The following SHANK2 variants were observed in gnomAD, a reference collection of about 807,000 sequenced individuals.
The protein encoded by SHANK2 is SH3 and multiple ankyrin repeat domains 2, also known as SH3 and multiple ankyrin repeat domains protein 2.
A neutral mutation model predicts 133.7 loss-of-function variants in SHANK2; 43 were observed. The observed-to-expected ratio is 0.32, with a 90% CI of 0.25 to 0.41. SHANK2 has a LOEUF of 0.41. SHANK2 is among the 10% of genes least tolerant of loss of function. SHANK2 has a pLI of 1.00. For missense variants in SHANK2, 1,994 were observed against 2,235.8 expected (o/e 0.89, Z 2.18); for synonymous variants, 1,017 against 952.8 (o/e 1.07, Z -1.24).
chr11:71,123,384 G>A (rs1264464322), intron 3 of SHANK2, among the ~76,000 whole-genome samples: 1 of 152,182 alleles, frequency 6.6e-6, no homozygotes, highest in African/African-American at 2.4e-5. Flanking sequence ...GAGCTCCCTT[G>A]GGGACCCAGA....
At chr11:70,476,703 A>G (rs141388134) in intron 25 of SHANK2, among the ~76,000 whole-genome samples, 4 of 152,322 alleles carry the variant, frequency 2.6e-5, no homozygotes, top group African/African-American at 9.6e-5. Flanking sequence ...ATGCCCACAG[A>G]GGACTAGAGG....
chr11:71,123,518 G>C (rs529194174), intron 3 of SHANK2, among the ~76,000 whole-genome samples: 2 of 152,166 alleles, frequency 1.3e-5, no homozygotes, highest in Non-Finnish European at 2.9e-5. Flanking sequence ...AGGAGAGGGA[G>C]GGAGGCAAAG....
chr11:70,852,418 T>C (rs1323984734), intron 11 of SHANK2, among the ~76,000 whole-genome samples: 4 of 152,164 alleles, frequency 2.6e-5, no homozygotes, highest in African/African-American at 9.7e-5. Context: ...GTTTGTGGGA[T>C]GCAGAGGCCA....
At chr11:70,730,785 C>T (rs1260539531) in intron 14 of SHANK2, among the ~76,000 whole-genome samples, 3 of 151,382 alleles carry the variant, frequency 2.0e-5, no homozygotes, top group African/African-American at 4.9e-5. Flanking sequence ...CCCAAAGTGG[C>T]GTCTGCTCAC....
intron 1 of SHANK2, chr11:71,226,543 A>T (rs1374271046): frequency 1.3e-5 from 2 of 152,244 alleles, no homozygotes; most frequent in African/African-American, 4.8e-5. Flanking sequence ...TATTGAAAAC[A>T]TGCAGAGAAA....
At chr11:71,063,480 G>A (rs964358896) in intron 9 of SHANK2, among the ~76,000 whole-genome samples, 7 of 152,284 alleles carry the variant, frequency 4.6e-5, no homozygotes, top group African/African-American at 9.6e-5. Context: ...CCATCTACCC[G>A]CTCCTTCTGG....
At chr11:70,794,866 G>C (rs1225566019) in intron 14 of SHANK2, among the ~76,000 whole-genome samples, 2 of 152,138 alleles carry the variant, frequency 1.3e-5, no homozygotes, top group Non-Finnish European at 2.9e-5. Context: ...TGTGAAGGAA[G>C]GGTTTAATAT....
intron 6 of SHANK2, among the ~76,000 whole-genome samples, chr11:71,097,048 C>T (rs1317394995): frequency 6.6e-6 from 1 of 152,202 alleles, no homozygotes; most frequent in East Asian, 1.9e-4. Flanking sequence ...CTGTGTCTCA[C>T]GTGCAGGATG....
chr11:70,937,690 T>A (rs1168391503), intron 10 of SHANK2, among the ~76,000 whole-genome samples: 5 of 152,118 alleles, frequency 3.3e-5, no homozygotes, highest in Admixed American at 2.6e-4. Context: ...TGCATCTTTT[T>A]TTTTTTTCTT....
intron 17 of SHANK2, among the ~76,000 whole-genome samples, chr11:70,598,157 G>T (rs2060426571): frequency 6.6e-6 from 1 of 152,198 alleles, no homozygotes; most frequent in Non-Finnish European, 1.5e-5. Flanking sequence ...TCCCATAGAG[G>T]GGCAGATGGA....
At chr11:71,070,970 C>A (rs956355035) in intron 9 of SHANK2, among the ~76,000 whole-genome samples, 2 of 152,176 alleles carry the variant, frequency 1.3e-5, no homozygotes, top group East Asian at 3.8e-4. Context: ...GGAGTGATAC[C>A]AAGTCAAGCT....
At chr11:70,476,463 G>T (rs1555150139) in intron 25 of SHANK2, among the ~76,000 whole-genome samples, 1 of 152,194 alleles carries the variant, frequency 6.6e-6, no homozygotes, top group Non-Finnish European at 1.5e-5. Context: ...AACTGGGGGT[G>T]CTGTGGCCTG....
At chr11:70,891,065 T>C (rs1462988046) in intron 11 of SHANK2, among the ~76,000 whole-genome samples, 3 of 152,176 alleles carry the variant, frequency 2.0e-5, no homozygotes, top group Admixed American at 1.3e-4. Context: ...TTCAGGTACC[T>C]GACATGTGCA....
rs137945425 is a variant in SHANK2 at position 71,123,086 on chromosome 11, C to G, written c.208-4054G>C. ...CCCTCCATACGTGATGGGAGCCACC[C>G]ACGTGTTCACACCAGCTCCCGGCAA... On this transcript the variant is annotated intron_variant, in intron 3 of 25. Coordinates refer to ENST00000601538, the MANE Select transcript of SHANK2 (RefSeq NM_012309.5). Among the ~76,000 whole-genome samples the G allele has an allele frequency of 1.5e-3, 227 of 152,248 alleles. 6 individuals are homozygous for G. In the East Asian group the frequency reaches 0.037, roughly 25 times the overall value.
chr11:70,520,752 AGT>A (rs2059320331), intron 17 of SHANK2, among the ~76,000 whole-genome samples: 2 of 152,268 alleles, frequency 1.3e-5, no homozygotes, highest in South Asian at 4.1e-4. Flanking sequence ...TTTATCTTTC[AGT>A]TGTTTATTTA....
At chr11:71,147,428 A>C in intron 2 of SHANK2, 90 bp from the exon 3 acceptor site, 1 of 1,042,662 alleles carries the variant, frequency 9.6e-7, no homozygotes, top group Non-Finnish European at 1.3e-6. Flanking sequence ...GCTGGAACAC[A>C]CGTGGGCTCG....
At chr11:70,666,717 G>A (rs980961025) in intron 15 of SHANK2, among the ~76,000 whole-genome samples, 2 of 152,132 alleles carry the variant, frequency 1.3e-5, no homozygotes, top group Non-Finnish European at 2.9e-5. Flanking sequence ...GCTGTGTTGG[G>A]ACAGCCTTCT....
chr11:71,249,768 T>A (rs1948145749), intron 1 of SHANK2, among the ~76,000 whole-genome samples: 1 of 152,236 alleles, frequency 6.6e-6, no homozygotes, highest in Non-Finnish European at 1.5e-5. Context: ...TGCCTTCCTA[T>A]AAAGAGCCAT....
chr11:70,587,268 G>A (rs2060266546), intron 17 of SHANK2, among the ~76,000 whole-genome samples: 1 of 152,218 alleles, frequency 6.6e-6, no homozygotes, highest in African/African-American at 2.4e-5. Flanking sequence ...CAATGCACTT[G>A]CCAGTCCCTC....
Sources: gnomAD v4.1 joint callset for allele counts (sites outside exome capture counted in the v4.1 genomes callset) on GRCh38, gnomAD v4.1.1 for gene constraint, MANE v1.5 for transcripts, NCBI Gene and HGNC (gene_info 2026-07-23, HGNC 2026-07-21) for gene names.